The following TOP1 variants were observed in gnomAD, a reference collection of about 807,000 sequenced individuals.
TOP1 encodes the protein DNA topoisomerase 1.
A neutral mutation model predicts 111.1 loss-of-function variants in TOP1; 10 were observed. That is an observed-to-expected ratio of 0.09 (90% CI 0.06 to 0.15). TOP1 has a LOEUF of 0.15. TOP1 is among the 10% of genes least tolerant of loss of function. TOP1 has a pLI of 1.00. For synonymous variants in TOP1, 271 were observed against 302.9 expected (o/e 0.89, Z 1.10); for missense variants, 474 against 926.7 (o/e 0.51, Z 6.34).
At chr20:41,054,043 C>T (rs184217939) in intron 2 of TOP1, among the ~76,000 whole-genome samples, 4 of 152,230 alleles carry the variant, frequency 2.6e-5, no homozygotes, top group Non-Finnish European at 1.5e-5. Context: ...AAATCGTTAC[C>T]ACCCAGAGTT....
In TOP1 at chr20:41,029,917, G is replaced by A. The variant is rs1243085781; in HGVS notation, c.58+462G>A. On this transcript the variant is annotated intron_variant, in intron 2 of 20. Transcript: ENST00000361337. This position sits in a 1 kb window ranked among gnomAD's most constrained non-coding sequence, Gnocchi z 6.1. Reference sequence around the variant, plus strand: ...ATACTTCACCAGAGAGGGAAGGCTGGGGGACTGAATTATTATTTTTTAAAC... The same window carrying A: ...ATACTTCACCAGAGAGGGAAGGCTGAGGGACTGAATTATTATTTTTTAAAC... 6.6e-6 allele frequency among the ~76,000 whole-genome samples: 1 copy of A among 152,198 alleles called. No individual in the cohort carries two copies. The highest frequency in any genetic ancestry group is 1.9e-4 in the East Asian group (1 of 5,196).
At position 41,110,581 on chromosome 20, in the gene TOP1, G is replaced by A. The variant is rs2034220346; in HGVS notation, c.1309-2201G>A. 6.6e-6 allele frequency among the ~76,000 whole-genome samples: 1 copy of A among 152,218 alleles called. No homozygotes were observed. The highest frequency in any genetic ancestry group is 1.5e-5 in the Non-Finnish European group (1 of 68,036). ...CCTGATTCCACCCAACCACTCTGCTGAATGGATAGCAGCTATATTAGAGAG... is the reference window on the plus strand; with the variant it reads ...CCTGATTCCACCCAACCACTCTGCTAAATGGATAGCAGCTATATTAGAGAG... On this transcript the variant is annotated intron_variant, in intron 13 of 20. Transcript: ENST00000361337. The surrounding 1 kb of genome is among the most constrained non-coding windows in gnomAD (Gnocchi z 4.2).
rs73121296 is a variant in TOP1, at chr20:41,100,348, T to G, written c.1163+105T>G. On this transcript the variant is annotated intron_variant, in intron 12 of 20. Coordinates refer to ENST00000361337, the MANE Select transcript of TOP1 (RefSeq NM_003286.4). This position sits in a 1 kb window ranked among gnomAD's most constrained non-coding sequence, Gnocchi z 4.4. Reference sequence around the variant, plus strand: ...ACACAGGACTGTTTGGGAAGGGAGATACTTAAGAGCAGGACAGTATTTCAT... The same window carrying G: ...ACACAGGACTGTTTGGGAAGGGAGAGACTTAAGAGCAGGACAGTATTTCAT... 115 of 931,594 alleles carry G rather than the reference T, an allele frequency of 1.2e-4. 4 individuals are homozygous for G. The African/African-American group carries it at 1.3e-3, about 10-fold the overall frequency. The allele number at this position is 931,594 out of a possible 1,614,324, so 57.7% of individuals were successfully genotyped here.
chr20:41,064,309 C>T (rs1272943919), intron 3 of TOP1, among the ~76,000 whole-genome samples: 1 of 152,102 alleles, frequency 6.6e-6, no homozygotes, highest in African/African-American at 2.4e-5. Context: ...GTTAGTGTTT[C>T]TGTACCATTA....
At chr20:41,049,447 C>T (rs1405659602) in intron 2 of TOP1, among the ~76,000 whole-genome samples, 1 of 152,210 alleles carries the variant, frequency 6.6e-6, no homozygotes, top group Non-Finnish European at 1.5e-5. Flanking sequence ...AAATAATTGG[C>T]AACTTTCATT....
In TOP1 at chr20:41,092,638, C is replaced by T. The variant is rs201747396; in HGVS notation, c.730+51C>T. 4 of 863,126 alleles carry T rather than the reference C, an allele frequency of 4.6e-6. No homozygotes were observed. The highest frequency in any genetic ancestry group is 1.7e-5 in the African/African-American group (1 of 58,440). 53.5% of individuals were successfully genotyped at this position (863,126 alleles called of 1,614,324 possible). ...CTTGGCCAGGAAAAGAAATCTGCTT[C>T]TATTTAGGGATAGAAAACAAGGAAG... On this transcript the variant is annotated intron_variant, in intron 9 of 20. Transcript: ENST00000361337. The surrounding 1 kb of genome is among the most constrained non-coding windows in gnomAD (Gnocchi z 4.3).
In TOP1 at chr20:41,080,329, G is replaced by C. The variant is rs1409955498; in HGVS notation, c.431+149G>C. On this transcript the variant is annotated intron_variant, in intron 6 of 20. Coordinates refer to ENST00000361337, the MANE Select transcript of TOP1 (RefSeq NM_003286.4). This position sits in a 1 kb window ranked among gnomAD's most constrained non-coding sequence, Gnocchi z 5.0. ...TTGTGATTAATGGACTGATTTCTCT[G>C]AACTATGAGAAGTAGAGTTTGCTAA... 3.7e-6 allele frequency: 2 copies of C among 547,102 alleles called. No homozygotes were observed. Among genetic ancestry groups the C allele is most frequent in the Non-Finnish European group, 6.5e-6 (2 of 309,714 alleles). The allele number at this position is 547,102 out of a possible 1,614,324, so 33.9% of individuals were successfully genotyped here. A position where few individuals can be genotyped will look rare whatever the true frequency, so the allele number is the denominator to read the frequency against.
At chr20:41,073,509 T>C (rs992788623) in intron 3 of TOP1, 13 of 982,706 alleles carry the variant, frequency 1.3e-5, no homozygotes, top group Non-Finnish European at 1.6e-5. Context: ...TAGGACCTTA[T>C]AGCAAGTCTC....
chr20:41,076,326 C>T (rs779666026), intron 4 of TOP1, 32 bp downstream of exon 4: 24 of 1,576,370 alleles, frequency 1.5e-5, no homozygotes, highest in African/African-American at 4.1e-5. Context: ...GAGGAAGGAA[C>T]GTGGATGCAC....
intron 13 of TOP1, among the ~76,000 whole-genome samples, chr20:41,111,871 A>G (rs750805515): frequency 1.3e-5 from 2 of 151,580 alleles, no homozygotes; most frequent in Non-Finnish European, 2.9e-5. Flanking sequence ...GATTTCTTGA[A>G]TTTTTTTCCC....
Position 41,076,433 on chromosome 20 carries a change from G to A in TOP1, c.279+139G>A, listed in dbSNP as rs535867632. The A allele has an allele frequency of 3.2e-6, 4 of 1,247,498 alleles. No homozygotes were observed. In the East Asian group the frequency reaches 1.0e-4, roughly 31 times the overall value. 77.3% of individuals were successfully genotyped at this position (1,247,498 alleles called of 1,614,324 possible). A position where few individuals can be genotyped will look rare whatever the true frequency, so the allele number is the denominator to read the frequency against. On this transcript the variant is annotated intron_variant, in intron 4 of 20. Coordinates refer to ENST00000361337, the MANE Select transcript of TOP1 (RefSeq NM_003286.4). ...TTGTCAGGAGAATTTAGAGCAAACT[G>A]TAGTCTTAAACTATAAAAACTAAGC...
rs1227957220 is a variant in TOP1, at chr20:41,121,924, T to G, written c.2046-82T>G. Reference sequence around the variant, plus strand: ...GAAATCTCTATACTAGGGCTTTTATTGACTCAAAGTGGCAGGATGGGTACA... The same window carrying G: ...GAAATCTCTATACTAGGGCTTTTATGGACTCAAAGTGGCAGGATGGGTACA... On this transcript the variant is annotated intron_variant, in intron 19 of 20. Coordinates refer to ENST00000361337, the MANE Select transcript of TOP1 (RefSeq NM_003286.4). The surrounding 1 kb of genome is among the most constrained non-coding windows in gnomAD (Gnocchi z 4.2). 10 of 1,573,414 alleles carry G rather than the reference T, an allele frequency of 6.4e-6. No individual in the cohort carries two copies. Among genetic ancestry groups the G allele is most frequent in the Middle Eastern group, 1.7e-4 (1 of 5,842 alleles).
chr20:41,085,733 C>T (rs1296807623), intron 8 of TOP1, among the ~76,000 whole-genome samples: 1 of 152,092 alleles, frequency 6.6e-6, no homozygotes, highest in Non-Finnish European at 1.5e-5. Context: ...TGTTTATGTG[C>T]CTTTATGGCT....
In TOP1 at chr20:41,116,861, CT is replaced by C. The variant is rs918330770; in HGVS notation, c.1822+478del. Among the ~76,000 whole-genome samples the C allele has an allele frequency of 6.6e-6, 1 of 151,126 alleles. No individual in the cohort carries two copies. The highest frequency in any genetic ancestry group is 2.4e-5 in the African/African-American group (1 of 41,208). On this transcript the variant is annotated intron_variant, in intron 17 of 20. Transcript: ENST00000361337. The surrounding 1 kb of genome is among the most constrained non-coding windows in gnomAD (Gnocchi z 5.6). ...GAATATTATCACCAAGATCCACGGG[CT>C]TTTTTTTTCCTGGAGCCCAGTCACT...
At chr20:41,090,336 T>G (rs2033904742) in intron 8 of TOP1, among the ~76,000 whole-genome samples, 1 of 152,120 alleles carries the variant, frequency 6.6e-6, no homozygotes, top group African/African-American at 2.4e-5. Flanking sequence ...ACTTTGCCCA[T>G]TTTTTTAATT....
In TOP1 at chr20:41,045,573, T is replaced by C. The variant is rs990335010; in HGVS notation, c.59-15821T>C. Among the ~76,000 whole-genome samples the C allele has an allele frequency of 3.3e-5, 5 of 152,332 alleles. 1 individual carries two copies. Among genetic ancestry groups the C allele is most frequent in the Admixed American group, 2.6e-4 (4 of 15,300 alleles). The stretch of plus-strand genomic sequence containing the variant: ...GAGGTAGGTTATGTCTGTTGCGTAG[T>C]TGACAAAACAGATGAACTTATATTT... On this transcript the variant is annotated intron_variant, in intron 2 of 20. Coordinates refer to ENST00000361337, the MANE Select transcript of TOP1 (RefSeq NM_003286.4).
rs1456100498 is a variant in TOP1 at position 41,110,439 on chromosome 20, G to A, written c.1309-2343G>A. Among the ~76,000 whole-genome samples the A allele has an allele frequency of 6.6e-6, 1 of 152,220 alleles. No homozygotes were observed. Among genetic ancestry groups the A allele is most frequent in the Non-Finnish European group, 1.5e-5 (1 of 68,044 alleles). On this transcript the variant is annotated intron_variant, in intron 13 of 20. Coordinates refer to ENST00000361337, the MANE Select transcript of TOP1 (RefSeq NM_003286.4). The surrounding 1 kb of genome is among the most constrained non-coding windows in gnomAD (Gnocchi z 4.2). The stretch of plus-strand genomic sequence containing the variant: ...TGGAAATTGACTGAGAAGGGAAATA[G>A]TCATGTAAGAATACTGGCAAATGTC...
rs1422780606 is a variant in TOP1 at position 41,067,626 on chromosome 20, T to TA, written c.155+6138dup. ...CCAATCCTTGCTAATCAATTGTAGC[T>TA]AATTTTGTGGCCATTTGTTAGGAGA... On this transcript the variant is annotated intron_variant, in intron 3 of 20. Coordinates refer to ENST00000361337, the MANE Select transcript of TOP1 (RefSeq NM_003286.4). The surrounding 1 kb of genome is among the most constrained non-coding windows in gnomAD (Gnocchi z 4.0). Among the ~76,000 whole-genome samples the TA allele has an allele frequency of 6.6e-6, 1 of 152,238 alleles. No individual in the cohort carries two copies. Among genetic ancestry groups the TA allele is most frequent in the Non-Finnish European group, 1.5e-5 (1 of 68,038 alleles).
Position 41,061,515 on chromosome 20 carries a change from C to G in TOP1, c.155+25C>G. 1 of 1,559,388 alleles carries G rather than the reference C, an allele frequency of 6.4e-7. No homozygotes were observed. The highest frequency in any genetic ancestry group is 8.7e-7 in the Non-Finnish European group (1 of 1,148,820). ...GGTAAGGGTGGAATCAAGCAAGTCCCTCATCATTCAGCAGTGGGTTGGCCA... is the reference window on the plus strand; with the variant it reads ...GGTAAGGGTGGAATCAAGCAAGTCCGTCATCATTCAGCAGTGGGTTGGCCA... On this transcript the variant is annotated intron_variant, in intron 3 of 20. Transcript: ENST00000361337. The surrounding 1 kb of genome is among the most constrained non-coding windows in gnomAD (Gnocchi z 4.6).
Sources: gnomAD v4.1 joint callset for allele counts (sites outside exome capture counted in the v4.1 genomes callset) on GRCh38, gnomAD v4.1.1 for gene constraint, Gnocchi (gnomAD v3.1) non-coding constraint, MANE v1.5 for transcripts, NCBI Gene and HGNC (gene_info 2026-07-23, HGNC 2026-07-21) for gene names.